Variants in TDRKH observed in about 807,000 individuals in gnomAD.
The protein encoded by TDRKH is tudor and KH domain containing.
A neutral mutation model predicts 61.3 loss-of-function variants in TDRKH; 28 were observed. The observed-to-expected ratio is 0.46, with a 90% CI of 0.34 to 0.63. The LOEUF is 0.63. Ranked by LOEUF, TDRKH falls within the 20% of genes least tolerant of loss-of-function variation. The probability of loss-of-function intolerance (pLI) is 0.01; values close to 1 mark genes in which losing one functional copy is unlikely to be tolerated. For missense variants in TDRKH, 540 were observed against 683.4 expected (o/e 0.79, Z 2.34); for synonymous variants, 219 against 244.4 (o/e 0.90, Z 0.97).
Position 151,774,806 on chromosome 1 carries a change from C to T in TDRKH, c.1537G>A (p.Ala513Thr), listed in dbSNP as rs1648994252. 6.2e-7 allele frequency: 1 copy of T among 1,613,926 alleles called. No homozygotes were observed. The highest frequency in any genetic ancestry group is 1.7e-5 in the Admixed American group (1 of 59,990). The change falls in exon 12 of 13, where the codon GCC becomes ACC. Residue 513 changes from alanine to threonine, a missense_variant and splice_region_variant. Physicochemically the swap from Ala to Thr is moderately conservative, Grantham distance 58. Around this residue, in one of 3 missense-constraint regions of TDRKH, gnomAD observed 379 missense variants for 443.8 expected, o/e 0.85. Transcript: ENST00000368824. ...RAVPDMLKDM[A>T]TETDASLSTL... ...CTGAGAGAGGCATCTGTTTCTGTGG[C>T]CTGAGTGGATGAAAACAGGAAAAAA...
At chr1:151,783,837 T>C (rs754242343) in intron 1 of TDRKH, 10 of 152,368 alleles carry the variant, frequency 6.6e-5, no homozygotes, top group Non-Finnish European at 8.8e-5. Context: ...TATATGCTAA[T>C]GACATCAACA....
chr1:151,771,132 C>T (rs761655323), downstream of TDRKH: 3 of 1,613,226 alleles, frequency 1.9e-6, no homozygotes, highest in Non-Finnish European at 2.5e-6. Context: ...GACCAGATCA[C>T]CCTGCCCTCC....
chr1:151,768,022 T>G, downstream of TDRKH: 2 of 1,611,934 alleles, frequency 1.2e-6, no homozygotes, highest in Non-Finnish European at 1.7e-6. Context: ...GAGGTCTGAT[T>G]TGAAGACTAG....
At chr1:151,788,688 T>C (rs1650586448) in intron 1 of TDRKH, among the ~76,000 whole-genome samples, 6 of 152,150 alleles carry the variant, frequency 3.9e-5, no homozygotes. Context: ...CACAATACAG[T>C]GTGCAATAGA....
At chr1:151,772,330 A>C (rs899852584), downstream of TDRKH, among the ~76,000 whole-genome samples, 7 of 151,990 alleles carry the variant, frequency 4.6e-5, no homozygotes, top group Non-Finnish European at 8.8e-5. Context: ...GAGCTCAAGC[A>C]ATCTGCCCGC....
At chr1:151,779,541 T>C (rs1488627901) in intron 4 of TDRKH, among the ~76,000 whole-genome samples, 2 of 152,232 alleles carry the variant, frequency 1.3e-5, no homozygotes, top group Non-Finnish European at 2.9e-5. Flanking sequence ...TGCTACATAG[T>C]GTGTCAGAAC....
rs1480026478 is a variant in TDRKH, at chr1:151,774,248, C to T, written c.*204G>A. The T allele has an allele frequency of 3.4e-6, 2 of 586,282 alleles. No homozygotes were observed. Among genetic ancestry groups the T allele is most frequent in the African/African-American group, 3.8e-5 (2 of 53,220 alleles). The allele number at this position is 586,282 out of a possible 1,614,324, so 36.3% of individuals were successfully genotyped here. ...AAATCCTGCCAAAGACAGAAATACA[C>T]AAAAAGCTTGAAAGTGCTCAATCTG... On this transcript the variant is annotated 3_prime_UTR_variant, in exon 13 of 13. Coordinates refer to ENST00000368824, the MANE Select transcript of TDRKH (RefSeq NM_001083965.2).
Position 151,778,872 on chromosome 1 carries a change from T to C in TDRKH, c.696A>G (p.Gly232=). ...TGGTGTTTTTCCATAATGCTGGCTC[T>C]CCAGCTCCACCTGGCTCTGTCATGT... The part of the protein sequence containing the change: ...REDMTEPGGA[G]EPALWKNTSS... The change falls in exon 6 of 13, where the codon GGA becomes GGG. Residue 232 remains glycine, a synonymous_variant. Transcript: ENST00000368824. 3.7e-6 allele frequency: 6 copies of C among 1,614,210 alleles called. No individual in the cohort carries two copies. The highest frequency in any genetic ancestry group is 5.1e-6 in the Non-Finnish European group (6 of 1,180,040).
rs1558138054 is a variant in TDRKH at position 151,775,091 on chromosome 1, C to T, written c.1510G>A (p.Ala504Thr). The part of the protein sequence containing the change: ...ELPEDIEENR[A>T]VPDMLKDMAT... ...ATGTCCTTCAACATGTCTGGGACAG[C>T]TCTGTTTTCTTCTATGTCTTCAGGA... Residue 504 changes from alanine to threonine, a missense_variant, in exon 11 of 13, where the codon GCT becomes ACT. By Grantham distance (58) the Ala-to-Thr change is moderately conservative. Around this residue, in one of 3 missense-constraint regions of TDRKH, gnomAD observed 379 missense variants for 443.8 expected, o/e 0.85. Transcript: ENST00000368824. 6.2e-7 allele frequency: 1 copy of T among 1,614,178 alleles called. No homozygotes were observed. The highest frequency in any genetic ancestry group is 1.1e-5 in the South Asian group (1 of 91,078).
intron 1 of TDRKH, among the ~76,000 whole-genome samples, chr1:151,785,220 CTG>C (rs1368112072): frequency 6.6e-6 from 1 of 152,228 alleles, no homozygotes; most frequent in Non-Finnish European, 1.5e-5. Flanking sequence ...GTGTGAACCA[CTG>C]TGCTCTGCCT....
chr1:151,776,247 C>T lies in TDRKH; in HGVS notation c.1066G>A (p.Val356Ile), dbSNP rs765914344. The change falls in exon 8 of 13, where the codon GTA becomes ATA. Residue 356 changes from valine to isoleucine, a missense_variant. This residue lies in a region of TDRKH where 379 missense variants were observed against 443.8 expected (regional missense o/e 0.85). Transcript: ENST00000368824. ...AAAGGTGCTGCTACAATGTCTCCTA[C>T]ATGCACAGTCAAGTCTTCAGGCTGT... ...NSVPEDLTVHVGDIVAAPLPT... is the reference protein window; with the variant it reads ...NSVPEDLTVHIGDIVAAPLPT... 2.5e-6 allele frequency: 4 copies of T among 1,614,002 alleles called. No homozygotes were observed. Among genetic ancestry groups the T allele is most frequent in the East Asian group, 2.2e-5 (1 of 44,890 alleles).
downstream of TDRKH, among the ~76,000 whole-genome samples, chr1:151,769,791 CACTGAGT>C (rs1461976975): frequency 6.6e-6 from 1 of 152,256 alleles, no homozygotes; most frequent in Non-Finnish European, 1.5e-5. Flanking sequence ...CAACACTGAG[CACTGAGT>C]GAACGAGGCT....
chr1:151,766,646 T>A (rs1008984451), downstream of TDRKH: 18 of 1,536,402 alleles, frequency 1.2e-5, 1 homozygote, highest in Admixed American at 4.0e-5. Flanking sequence ...TGGGTCACAA[T>A]GCCACCAGGT....
downstream of TDRKH, among the ~76,000 whole-genome samples, chr1:151,768,683 T>C (rs1648462929): frequency 1.3e-5 from 2 of 152,196 alleles, no homozygotes; most frequent in South Asian, 4.1e-4. Flanking sequence ...TTTCCCAGTA[T>C]TTATTGATCA....
intron 2 of TDRKH, among the ~76,000 whole-genome samples, chr1:151,782,352 CAGG>C (rs1292136091): frequency 6.6e-6 from 1 of 151,910 alleles, no homozygotes; most frequent in African/African-American, 2.4e-5. Context: ...GTGGCTGAGG[CAGG>C]AGAACTGCTT....
At chr1:151,775,320 G>C in intron 10 of TDRKH, 72 bp downstream of exon 10, 2 of 1,566,446 alleles carry the variant, frequency 1.3e-6, no homozygotes, top group Non-Finnish European at 1.7e-6. Context: ...AAGGGTTTCT[G>C]AGGAAGAAAA....
chr1:151,766,499 T>C, downstream of TDRKH: 1 of 546,776 alleles, frequency 1.8e-6, no homozygotes, highest in Non-Finnish European at 3.2e-6. Context: ...AAGTTCTATT[T>C]TTTAATCATT....
downstream of TDRKH, chr1:151,767,144 G>A: frequency 6.2e-7 from 1 of 1,613,290 alleles, no homozygotes; most frequent in Non-Finnish European, 8.5e-7. Context: ...AAACTAATTT[G>A]GGTCTCTTTC....
chr1:151,770,437 G>A, downstream of TDRKH: 1 of 835,818 alleles, frequency 1.2e-6, no homozygotes, highest in Non-Finnish European at 1.8e-6. Flanking sequence ...AGTTACAACT[G>A]GACTCTGAGG....
Sources: gnomAD v4.1 joint callset for allele counts (sites outside exome capture counted in the v4.1 genomes callset) on GRCh38, gnomAD v4.1.1 for gene constraint, gnomAD v4.1.1 regional missense constraint, MANE v1.5 for transcripts, NCBI Gene and HGNC (gene_info 2026-07-23, HGNC 2026-07-21) for gene names.